The following SLC9A9 variants were observed in gnomAD, a reference collection of about 807,000 sequenced individuals.
The protein encoded by SLC9A9 is solute carrier family 9 member A9, also known as sodium/hydrogen exchanger 9.
Under a neutral mutation model 77.8 loss-of-function variants are expected in SLC9A9, and 62 were observed. The observed-to-expected ratio is 0.80, with a 90% confidence interval of 0.65 to 0.98. The LOEUF (loss-of-function observed/expected upper bound fraction) is 0.98. Ranked by LOEUF, SLC9A9 falls within the 50% of genes least tolerant of loss-of-function variation. SLC9A9 has a pLI of 0.00. For synonymous variants in SLC9A9, 320 were observed against 283.5 expected, an observed-to-expected ratio of 1.13 and a Z score of -1.29; for missense variants, 775 against 774.9, an observed-to-expected ratio of 1.00 and a Z score of 0.00.
chr3:143,524,229 G>C (rs188671496), intron 9 of SLC9A9, among the ~76,000 whole-genome samples: 15 of 152,138 alleles, frequency 9.9e-5, no homozygotes, highest in Middle Eastern at 3.4e-3. Context: ...AACAAATATG[G>C]GGGTGGGGGA....
intron 9 of SLC9A9, among the ~76,000 whole-genome samples, chr3:143,521,233 GTAAA>G (rs1307470782): frequency 6.6e-6 from 1 of 151,902 alleles, no homozygotes. Context: ...TAAAATCTAG[GTAAA>G]TAAATGAGAA....
At chr3:143,726,129 ATACT>A (rs961225789) in intron 4 of SLC9A9, among the ~76,000 whole-genome samples, 1 of 151,990 alleles carries the variant, frequency 6.6e-6, no homozygotes, top group African/African-American at 2.4e-5. Context: ...TTAAAAAAAA[ATACT>A]TAGGTGATAG....
At chr3:143,627,114 G>C (rs1341806529) in intron 6 of SLC9A9, 1 of 152,180 alleles carries the variant, frequency 6.6e-6, no homozygotes, top group Non-Finnish European at 1.5e-5. Flanking sequence ...CTTGTGTTCT[G>C]CTCGCCTCGG....
At chr3:143,380,093 G>A (rs970401245) in intron 13 of SLC9A9, among the ~76,000 whole-genome samples, 10 of 152,126 alleles carry the variant, frequency 6.6e-5, no homozygotes, top group African/African-American at 2.4e-4. Context: ...GAGGGAAACT[G>A]AGACCCAAAG....
At chr3:143,542,426 G>T (rs1559960314) in intron 9 of SLC9A9, among the ~76,000 whole-genome samples, 1 of 152,146 alleles carries the variant, frequency 6.6e-6, no homozygotes, top group Non-Finnish European at 1.5e-5. Context: ...GGAGGCAGAG[G>T]CATTGTTGCC....
chr3:143,388,466 T>C (rs1218753358), intron 12 of SLC9A9, among the ~76,000 whole-genome samples: 2 of 152,220 alleles, frequency 1.3e-5, no homozygotes, highest in Non-Finnish European at 2.9e-5. Context: ...GACAAATTAG[T>C]TAACCTTTGC....
chr3:143,383,408 C>A lies in SLC9A9; in HGVS notation c.1470-1294G>T, dbSNP rs2033348538. On this transcript the variant is annotated intron_variant, in intron 12 of 15. Coordinates refer to ENST00000316549, the MANE Select transcript of SLC9A9 (RefSeq NM_173653.4). Reference sequence around the variant, plus strand: ...CTAAATGTACTCTCAATTCAGCTTCCCCTTAGTTGGATCCCCCAAATGCCC... The same window carrying A: ...CTAAATGTACTCTCAATTCAGCTTCACCTTAGTTGGATCCCCCAAATGCCC... Among the ~76,000 whole-genome samples, 3 of 152,324 alleles carry A rather than the reference C, an allele frequency of 2.0e-5. No homozygotes were observed. The South Asian group carries it at 6.2e-4, about 32-fold the overall frequency.
chr3:143,779,746 T>C (rs1375308168), intron 4 of SLC9A9, among the ~76,000 whole-genome samples: 1 of 152,208 alleles, frequency 6.6e-6, no homozygotes, highest in Non-Finnish European at 1.5e-5. Flanking sequence ...GAAATGCAAA[T>C]ATGGTGAGCT....
chr3:143,275,460 C>A (rs775112488), intron 14 of SLC9A9, among the ~76,000 whole-genome samples: 2 of 152,090 alleles, frequency 1.3e-5, no homozygotes, highest in East Asian at 3.9e-4. Context: ...CCTTGCTTTG[C>A]GTTTCTTCTT....
intron 12 of SLC9A9, among the ~76,000 whole-genome samples, chr3:143,463,427 T>G (rs1234749113): frequency 6.6e-6 from 1 of 152,222 alleles, no homozygotes; most frequent in Non-Finnish European, 1.5e-5. Context: ...GTCTTTAATG[T>G]TTATTTGTAA....
chr3:143,530,716 G>C (rs2036495203), intron 9 of SLC9A9, among the ~76,000 whole-genome samples: 1 of 152,024 alleles, frequency 6.6e-6, no homozygotes, highest in Non-Finnish European at 1.5e-5. Flanking sequence ...GCAACATGAA[G>C]AAAAAGGAGA....
intron 5 of SLC9A9, among the ~76,000 whole-genome samples, chr3:143,661,158 C>A (rs2038972899): frequency 6.6e-6 from 1 of 152,184 alleles, no homozygotes; most frequent in African/African-American, 2.4e-5. Context: ...ACCAGGCAAG[C>A]CAAGTCTGAG....
intron 2 of SLC9A9, among the ~76,000 whole-genome samples, chr3:143,816,364 C>G (rs66585826): frequency 0.23 from 34,563 of 152,108 alleles, 4,039 homozygotes; most frequent in South Asian, 0.35. Flanking sequence ...CCACCACAAC[C>G]ACCTAATTTT....
chr3:143,752,409 C>A (rs79272898), intron 4 of SLC9A9, among the ~76,000 whole-genome samples: 1 of 152,138 alleles, frequency 6.6e-6, no homozygotes, highest in African/African-American at 2.4e-5. Context: ...AAAGCTGAGA[C>A]GATTTAACAC....
At chr3:143,386,606 T>C (rs1576463182) in intron 12 of SLC9A9, among the ~76,000 whole-genome samples, 1 of 152,340 alleles carries the variant, frequency 6.6e-6, no homozygotes, top group East Asian at 1.9e-4. Flanking sequence ...CAGCTATTAT[T>C]GATATTATTA....
At chr3:143,348,466 T>G (rs192181236) in intron 14 of SLC9A9, among the ~76,000 whole-genome samples, 11 of 152,336 alleles carry the variant, frequency 7.2e-5, no homozygotes, top group South Asian at 6.2e-4. Flanking sequence ...ACAGAGCTAT[T>G]ACATTATGTT....
intron 12 of SLC9A9, among the ~76,000 whole-genome samples, chr3:143,423,727 T>G (rs1393878438): frequency 6.6e-6 from 1 of 152,126 alleles, no homozygotes; most frequent in East Asian, 1.9e-4. Context: ...ACAAAATACT[T>G]ATTAATTATG....
intron 1 of SLC9A9, among the ~76,000 whole-genome samples, chr3:143,837,580 G>C (rs934143474): frequency 1.3e-5 from 2 of 152,024 alleles, no homozygotes; most frequent in Non-Finnish European, 2.9e-5. Flanking sequence ...AGGTCCTATT[G>C]ATCGCCAGCC....
intron 12 of SLC9A9, among the ~76,000 whole-genome samples, chr3:143,432,712 C>T (rs1462886357): frequency 6.6e-6 from 1 of 152,192 alleles, no homozygotes; most frequent in African/African-American, 2.4e-5. Flanking sequence ...ACTGCAACCT[C>T]CGCCTCCCAG....
Sources: gnomAD v4.1 joint callset for allele counts (sites outside exome capture counted in the v4.1 genomes callset) on GRCh38, gnomAD v4.1.1 for gene constraint, MANE v1.5 for transcripts, NCBI Gene and HGNC (gene_info 2026-07-23, HGNC 2026-07-21) for gene names.